The following PRKD3 variants were observed in gnomAD, a reference collection of about 807,000 sequenced individuals.
The protein encoded by PRKD3 is protein kinase D3.
PRKD3 carries 47 observed loss-of-function variants against 99.2 expected under a neutral mutation model. The ratio of observed to expected loss-of-function variants is 0.47; its 90% confidence interval spans 0.38 to 0.60. The LOEUF (loss-of-function observed/expected upper bound fraction) is 0.60. Ranked by LOEUF, PRKD3 falls within the 20% of genes least tolerant of loss-of-function variation. PRKD3 has a pLI of 0.00. For synonymous variants in PRKD3, 392 were observed against 355.4 expected (o/e 1.10, Z -1.16); for missense variants, 1,019 against 1,088.4 (o/e 0.94, Z 0.90).
intron 1 of PRKD3, among the ~76,000 whole-genome samples, chr2:37,322,325 A>G (rs1343913844): frequency 1.3e-5 from 2 of 152,244 alleles, no homozygotes; most frequent in Admixed American, 1.3e-4. Flanking sequence ...ACAATGATTT[A>G]TATATTTTCA....
intron 2 of PRKD3, among the ~76,000 whole-genome samples, chr2:37,309,198 C>T (rs989514812): frequency 1.1e-4 from 16 of 151,952 alleles, no homozygotes; most frequent in African/African-American, 3.1e-4. Flanking sequence ...TGGACTTACC[C>T]GTTTCTTAAG....
At chr2:37,304,515 T>G (rs1671073147) in intron 2 of PRKD3, among the ~76,000 whole-genome samples, 1 of 152,008 alleles carries the variant, frequency 6.6e-6, no homozygotes, top group Non-Finnish European at 1.5e-5. Context: ...CTGAGGCAGA[T>G]GGATCGCCTG....
intron 9 of PRKD3, 116 bp from the exon 10 acceptor site, chr2:37,275,960 A>G: frequency 7.6e-7 from 1 of 1,321,704 alleles, no homozygotes; most frequent in Non-Finnish European, 1.0e-6. Context: ...TAACTTTAAG[A>G]TTCATGAGGT....
chr2:37,260,432 T>A, intron 14 of PRKD3, 48 bp from the exon 15 acceptor site: 1 of 1,509,666 alleles, frequency 6.6e-7, no homozygotes, highest in Non-Finnish European at 9.2e-7. Flanking sequence ...AGAGAAACAG[T>A]TTTACTAATA....
rs115171439 is a variant in PRKD3 at position 37,305,181 on chromosome 2, T to C, written c.288+11056A>G. ...TACAGCTGGGGTGTTCAGTGTACTTTGGCATAACCTGAAAATTATACCCAA... is the reference window on the plus strand; with the variant it reads ...TACAGCTGGGGTGTTCAGTGTACTTCGGCATAACCTGAAAATTATACCCAA... On this transcript the variant is annotated intron_variant, in intron 2 of 18. Transcript: ENST00000234179. Among the ~76,000 whole-genome samples, 1,426 of 152,316 alleles carry C rather than the reference T, an allele frequency of 9.4e-3. 16 individuals are homozygous for C. Among genetic ancestry groups the C allele is most frequent in the Middle Eastern group, 0.017 (5 of 294 alleles).
chr2:37,321,983 T>A (rs1671903486), intron 1 of PRKD3, among the ~76,000 whole-genome samples: 1 of 152,236 alleles, frequency 6.6e-6, no homozygotes, highest in African/African-American at 2.4e-5. Flanking sequence ...GCTTTTCCTA[T>A]TGGAATAACA....
intron 2 of PRKD3, among the ~76,000 whole-genome samples, chr2:37,311,374 T>G (rs1236864962): frequency 1.3e-5 from 2 of 152,228 alleles, no homozygotes; most frequent in Non-Finnish European, 2.9e-5. Context: ...TCATCTTCTT[T>G]TCTAGAGCAT....
Position 37,253,339 on chromosome 2 carries a change from A to C in PRKD3, c.2511T>G (p.Thr837=). ...TTTCAAATTCTCTAAGGTCAAGCCA[A>C]GTCTGATAGTCCTAGGAGAAAATGA... is the stretch of plus-strand genomic sequence containing the variant. ...LSHPWLQDYQ[T]WLDLREFETR... The change falls in exon 19 of 19, where the codon ACT becomes ACG. Residue 837 remains threonine (T), a synonymous_variant. Transcript: ENST00000234179. 1 of 1,610,664 alleles carries C rather than the reference A, an allele frequency of 6.2e-7. No individual in the cohort carries two copies.
chr2:37,256,807 G>T lies in PRKD3; in HGVS notation c.2268C>A (p.Ser756=), dbSNP rs1667989770. ...EVLRSKGYNR[S]LDMWSVGVII... ...TAACTCCCACTGACCACATATCTAG[G>T]GAACGGTTGTAACCTTTGCTCCGGA... Residue 756 remains serine (S), a synonymous_variant, in exon 17 of 19, where the codon TCC becomes TCA. Coordinates refer to ENST00000234179, the MANE Select transcript of PRKD3 (RefSeq NM_005813.6). 6.2e-7 allele frequency: 1 copy of T among 1,613,918 alleles called. No homozygotes were observed. The highest frequency in any genetic ancestry group is 8.5e-7 in the Non-Finnish European group (1 of 1,179,982).
intron 2 of PRKD3, among the ~76,000 whole-genome samples, chr2:37,297,685 T>C (rs536918041): frequency 1.3e-5 from 2 of 152,290 alleles, no homozygotes; most frequent in African/African-American, 4.8e-5. Flanking sequence ...TCTGGTCAGG[T>C]ATATTGCAGG....
intron 2 of PRKD3, among the ~76,000 whole-genome samples, chr2:37,299,366 A>G (rs1670812140): frequency 6.6e-6 from 1 of 152,092 alleles, no homozygotes. Flanking sequence ...AAATGGACAA[A>G]GGGGGTCACA....
intron 1 of PRKD3, among the ~76,000 whole-genome samples, chr2:37,319,419 C>T (rs901933132): frequency 6.6e-6 from 1 of 152,192 alleles, no homozygotes; most frequent in South Asian, 2.1e-4. Context: ...AAAGAATATG[C>T]TTATAAAATC....
intron 5 of PRKD3, among the ~76,000 whole-genome samples, chr2:37,288,635 T>C (rs1249266923): frequency 6.6e-6 from 1 of 152,220 alleles, no homozygotes; most frequent in South Asian, 2.1e-4. Flanking sequence ...AGAGGTACAC[T>C]GTATTAGGAA....
chr2:37,256,549 A>C, intron 17 of PRKD3, 113 bp downstream of exon 17: 1 of 1,280,074 alleles, frequency 7.8e-7, no homozygotes, highest in Non-Finnish European at 1.0e-6. Flanking sequence ...TGAATGGGAG[A>C]TGTACTAAAA....
intron 5 of PRKD3, among the ~76,000 whole-genome samples, chr2:37,287,076 C>G (rs540598942): frequency 2.4e-4 from 37 of 151,162 alleles, no homozygotes; most frequent in Non-Finnish European, 4.1e-4. Flanking sequence ...ACTAAAAATA[C>G]AAAATTAGCC....
Position 37,251,599 on chromosome 2 carries a change from T to A in PRKD3, c.*1578A>T, listed in dbSNP as rs1249838853. The A allele has an allele frequency of 6.6e-6, 1 of 152,422 alleles. No individual in the cohort carries two copies. The highest frequency in any genetic ancestry group is 1.5e-5 in the Non-Finnish European group (1 of 68,036). The allele number at this position is 152,422 out of a possible 1,614,324, so 9.4% of individuals were successfully genotyped here. A position where few individuals can be genotyped will look rare whatever the true frequency, so the allele number is the denominator to read the frequency against. ...ATGTCGAAAGGCCTTCTCAGTCTGT[T>A]CATGTACCAGAACATTCTTTTTTTT... is the stretch of plus-strand genomic sequence containing the variant. On this transcript the variant is annotated 3_prime_UTR_variant, in exon 19 of 19. Coordinates refer to ENST00000234179, the MANE Select transcript of PRKD3 (RefSeq NM_005813.6).
intron 2 of PRKD3, among the ~76,000 whole-genome samples, chr2:37,309,624 C>A (rs976371722): frequency 6.6e-6 from 1 of 152,088 alleles, no homozygotes; most frequent in African/African-American, 2.4e-5. Context: ...CCAAGGCTGG[C>A]AGATCATGAG....
In PRKD3 at chr2:37,251,672, G is replaced by C. The variant is rs943669971; in HGVS notation, c.*1505C>G. Reference sequence around the variant, plus strand: ...GGCAACGATAGTTAACACTTTCCTAGTTTTTAGTTTATTTGACTGCATTCA... The same window carrying C: ...GGCAACGATAGTTAACACTTTCCTACTTTTTAGTTTATTTGACTGCATTCA... On this transcript the variant is annotated 3_prime_UTR_variant, in exon 19 of 19. Transcript: ENST00000234179. 6.6e-6 allele frequency: 1 copy of C among 151,596 alleles called. No homozygotes were observed. Among genetic ancestry groups the C allele is most frequent in the African/African-American group, 2.4e-5 (1 of 41,212 alleles). 9.4% of individuals were successfully genotyped at this position (151,596 alleles called of 1,614,324 possible).
At chr2:37,293,104 G>C in intron 3 of PRKD3, 29 bp downstream of exon 3, 1 of 1,525,164 alleles carries the variant, frequency 6.6e-7, no homozygotes, top group Non-Finnish European at 8.9e-7. Flanking sequence ...AGGGGAAAAG[G>C]CAATCACTCT....
Sources: gnomAD v4.1 joint callset for allele counts (sites outside exome capture counted in the v4.1 genomes callset) on GRCh38, gnomAD v4.1.1 for gene constraint, MANE v1.5 for transcripts, NCBI Gene and HGNC (gene_info 2026-07-23, HGNC 2026-07-21) for gene names.